Variants in OCRL observed in about 807,000 individuals in gnomAD.
The protein encoded by OCRL is inositol polyphosphate 5-phosphatase OCRL.
A neutral mutation model predicts 78.9 loss-of-function variants in OCRL; 8 were observed. That is an observed-to-expected ratio of 0.10 (90% CI 0.06 to 0.18). The LOEUF (loss-of-function observed/expected upper bound fraction) is 0.18. Among genes scored for constraint, OCRL ranks in the 10% least tolerant of loss-of-function variants. The pLI is 1.00. For missense variants in OCRL, 454 were observed against 696.7 expected, an observed-to-expected ratio of 0.65 and a Z score of 3.92; for synonymous variants, 240 against 235.4, an observed-to-expected ratio of 1.02 and a Z score of -0.18.
At chrX:129,547,533 A>T (rs1198574208) in intron 3 of OCRL, among the ~76,000 whole-genome samples, 6 of 109,131 alleles carry the variant, frequency 5.5e-5, no homozygotes. Context: ...TCAAAAAAAA[A>T]AAAAAAAAAA....
Position 129,569,295 on chromosome X carries a change from C to T in OCRL, c.1498C>T (p.Arg500Ter), listed in dbSNP as rs398123287. The T allele has an allele frequency of 8.3e-7, 1 of 1,211,094 alleles. No individual in the cohort carries two copies. The highest frequency in any genetic ancestry group is 1.7e-5 in the African/African-American group (1 of 57,735). ...GKCRVPAWCD[R>*]ILWRGTNVNQ... ...ATGCCGGGTTCCAGCCTGGTGTGACCGAATTCTTTGGAGAGGAACAAATGT... is the reference window on the plus strand; with the variant it reads ...ATGCCGGGTTCCAGCCTGGTGTGACTGAATTCTTTGGAGAGGAACAAATGT... The change falls in exon 15 of 24, where the codon CGA (arginine) becomes TGA (stop). Residue 500 changes from arginine to a stop codon, truncating the protein, a stop_gained. Coordinates refer to ENST00000371113, the MANE Select transcript of OCRL (RefSeq NM_000276.4). LOFTEE classifies it high-confidence loss of function.
intron 12 of OCRL, among the ~76,000 whole-genome samples, chrX:129,564,831 C>T (rs2124408505): frequency 9.1e-6 from 1 of 110,451 alleles, no homozygotes; most frequent in South Asian, 3.9e-4. Context: ...TGTAACTAAC[C>T]TGCACATTGT....
At chrX:129,555,004 A>T (rs748928654) in intron 4 of OCRL, among the ~76,000 whole-genome samples, 217 of 95,951 alleles carry the variant, frequency 2.3e-3, no homozygotes, top group Admixed American at 3.9e-3. Flanking sequence ...AATAAATAAA[A>T]ATAAGAGGGT....
At chrX:129,543,659 A>G (rs1935839397) in intron 2 of OCRL, among the ~76,000 whole-genome samples, 1 of 113,189 alleles carries the variant, frequency 8.8e-6, no homozygotes, top group South Asian at 3.6e-4. Flanking sequence ...GTTCTATCTA[A>G]GTAATTACTT....
intron 20 of OCRL, among the ~76,000 whole-genome samples, chrX:129,587,425 A>G (rs1457745827): frequency 9.0e-6 from 1 of 111,412 alleles, no homozygotes; most frequent in African/African-American, 3.3e-5. Flanking sequence ...TGAGTCTATA[A>G]TGCCTACTTT....
intron 4 of OCRL, among the ~76,000 whole-genome samples, chrX:129,552,042 G>A (rs1389514430): frequency 1.8e-5 from 2 of 111,821 alleles, no homozygotes; most frequent in East Asian, 5.6e-4. Context: ...AGATCTGGCA[G>A]GATCTTGTAA....
rs142443197 is a variant in OCRL, at chrX:129,551,130, T to A, written c.238+2529T>A. On this transcript the variant is annotated intron_variant, in intron 4 of 23. Coordinates refer to ENST00000371113, the MANE Select transcript of OCRL (RefSeq NM_000276.4). ...TAAACTGTCCCTTGTTTATCCATTA[T>A]TCAACAAATATTTGTTGAGTGCCTT... Among the ~76,000 whole-genome samples the A allele has an allele frequency of 1.1e-3, 125 of 111,760 alleles. No homozygotes were observed. The East Asian group carries it at 0.032, about 29-fold the overall frequency.
intron 16 of OCRL, 78 bp from the exon 17 acceptor site, chrX:129,575,819 A>G: frequency 9.0e-7 from 1 of 1,111,485 alleles, no homozygotes; most frequent in South Asian, 1.8e-5. Context: ...CTTACTCCTC[A>G]TATCCTCTAT....
Position 129,561,266 on chromosome X carries a change from T to G in OCRL, c.912T>G (p.Gly304=), listed in dbSNP as rs190659938. Reference sequence around the variant, plus strand: ...AATGGTCCATGGCTGTAGAGAGAGGTTTGCATTCCAAAGCCAAGTATAAGA... The same window carrying G: ...AATGGTCCATGGCTGTAGAGAGAGGGTTGCATTCCAAAGCCAAGTATAAGA... The part of the protein sequence containing the change: ...EQEWSMAVER[G]LHSKAKYKKV... The change falls in exon 10 of 24, where the codon GGT becomes GGG. Residue 304 remains glycine, a synonymous_variant. Transcript: ENST00000371113. 308 of 1,197,661 alleles carry G rather than the reference T, an allele frequency of 2.6e-4. 2 individuals are homozygous for G. In the East Asian group the frequency reaches 8.9e-3, roughly 35 times the overall value.
chrX:129,559,161 C>T (rs1478328108), intron 8 of OCRL, among the ~76,000 whole-genome samples, 160 bp downstream of exon 8: 2 of 112,140 alleles, frequency 1.8e-5, no homozygotes, highest in African/African-American at 6.5e-5. Context: ...CAATAACATG[C>T]ATATCAGAAA....
At chrX:129,554,923 G>T (rs1936017007) in intron 4 of OCRL, among the ~76,000 whole-genome samples, 1 of 106,807 alleles carries the variant, frequency 9.4e-6, no homozygotes, top group Non-Finnish European at 1.9e-5. Flanking sequence ...TTGCATTCCA[G>T]CCTGGGCAGT....
intron 12 of OCRL, 108 bp downstream of exon 12, chrX:129,562,894 A>G (rs921097852): frequency 6.3e-5 from 48 of 763,360 alleles, no homozygotes; most frequent in Non-Finnish European, 4.1e-5. Context: ...AAAGATTACC[A>G]GTGAGGGATT....
intron 15 of OCRL, 84 bp downstream of exon 15, chrX:129,569,483 A>T: frequency 9.9e-7 from 1 of 1,011,003 alleles, no homozygotes; most frequent in Non-Finnish European, 1.4e-6. Context: ...CAGATCAGTA[A>T]TTCAGCAAGC....
chrX:129,557,776 A>G (rs775842078), intron 5 of OCRL, 85 bp from the exon 6 acceptor site: 20 of 672,901 alleles, frequency 3.0e-5, no homozygotes, highest in Non-Finnish European at 4.9e-6. Flanking sequence ...CATATAAGGA[A>G]TGTTGAAAGA....
intron 13 of OCRL, 135 bp downstream of exon 13, chrX:129,566,018 A>G: frequency 2.1e-6 from 1 of 478,192 alleles, no homozygotes; most frequent in Non-Finnish European, 3.7e-6. Flanking sequence ...CTAGTGATGC[A>G]TTGACTACAT....
At chrX:129,543,804 G>C (rs1049350656) in intron 2 of OCRL, among the ~76,000 whole-genome samples, 20 of 112,578 alleles carry the variant, frequency 1.8e-4, no homozygotes, top group African/African-American at 6.4e-4. Context: ...TCAGAAGTTG[G>C]ACAGTTTCAT....
chrX:129,560,645 G>T lies in OCRL; in HGVS notation c.818G>T (p.Cys273Phe). The change falls in exon 9 of 24, where the codon TGC (cysteine) becomes TTC (phenylalanine). Residue 273 changes from cysteine (C) to phenylalanine (F), a missense_variant. Cys to Phe is a radical substitution (Grantham distance 205). This residue lies in a region of OCRL where 277 missense variants were observed against 517.1 expected (regional missense o/e 0.54). Coordinates refer to ENST00000371113, the MANE Select transcript of OCRL (RefSeq NM_000276.4). ...NCDPNPPDIY[C>F]IGFQELDLST... ...GATCCCAATCCTCCTGATATCTACT[G>T]CATTGGGTAAAGAACACTTCTGGAA... 8.7e-7 allele frequency: 1 copy of T among 1,153,060 alleles called. No individual in the cohort carries two copies. The highest frequency in any genetic ancestry group is 3.0e-5 in the East Asian group (1 of 33,507).
At position 129,590,151 on chromosome X, in the gene OCRL, C is replaced by G. The variant is rs2124430719; in HGVS notation, c.2587C>G (p.Leu863Val). The G allele has an allele frequency of 8.3e-7, 1 of 1,211,728 alleles. No individual in the cohort carries two copies. The highest frequency in any genetic ancestry group is 1.1e-6 in the Non-Finnish European group (1 of 895,492). ...GTCTTTCTCTCGTCTTGTAGCTACT[C>G]TCTTCACTAGTCTTCTCCTGAGGCC... ...NSVNANMIAT[L>V]FTSLLLRPPP... Residue 863 changes from leucine (L) to valine (V), a missense_variant, in exon 24 of 24, where the codon CTC (leucine) becomes GTC (valine). Leu to Val is a conservative substitution (Grantham distance 32). Transcript: ENST00000371113.
intron 2 of OCRL, among the ~76,000 whole-genome samples, chrX:129,542,217 C>T (rs7049725): frequency 2.6e-3 from 274 of 106,215 alleles, no homozygotes; most frequent in African/African-American, 9.0e-3. Context: ...AGATTTGGAA[C>T]TCTGTTGAGC....
Sources: allele counts gnomAD v4.1 joint callset (sites outside exome capture counted in the v4.1 genomes callset), GRCh38; gene constraint gnomAD v4.1.1; regional missense constraint gnomAD v4.1.1; transcripts MANE v1.5; gene names NCBI Gene and HGNC (gene_info 2026-07-23, HGNC 2026-07-21).